Variants in KNCN observed in about 807,000 individuals in gnomAD.
KNCN encodes kinocilin.
KNCN carries 11 observed loss-of-function variants against 10.4 expected under a neutral mutation model. The ratio of observed to expected loss-of-function variants is 1.06; its 90% CI spans 0.67 to 1.75. The LOEUF (loss-of-function observed/expected upper bound fraction) is 1.75, where lower values mean the gene tolerates loss of function less well. KNCN is among the 40% of genes most tolerant of loss of function. KNCN has a pLI of 0.00. For synonymous variants in KNCN, 67 were observed against 71.6 expected, an observed-to-expected ratio of 0.94 and a Z score of 0.33; for missense variants, 172 against 167.1, an observed-to-expected ratio of 1.03 and a Z score of -0.16.
At chr1:46,548,197 G>A (rs955546519) in intron 3 of KNCN, among the ~76,000 whole-genome samples, 68 of 152,156 alleles carry the variant, frequency 4.5e-4, no homozygotes, top group Non-Finnish European at 7.1e-4. Flanking sequence ...GTTGTTGTGA[G>A]ACTTAAAAGA....
intron 2 of KNCN, among the ~76,000 whole-genome samples, chr1:46,549,526 G>A (rs1380068086): frequency 6.6e-6 from 1 of 152,166 alleles, no homozygotes; most frequent in African/African-American, 2.4e-5. Context: ...AGCCCCATAG[G>A]ATTGGTGGAG....
Position 46,547,500 on chromosome 1 carries a change from G to A in KNCN, c.*230C>T, listed in dbSNP as rs747678554. 62 of 695,954 alleles carry A rather than the reference G, an allele frequency of 8.9e-5. No individual in the cohort carries two copies. Among genetic ancestry groups the A allele is most frequent in the Non-Finnish European group, 1.1e-4 (40 of 379,864 alleles). The allele number at this position is 695,954 out of a possible 1,614,324, so 43.1% of individuals were successfully genotyped here. A position where few individuals can be genotyped will look rare whatever the true frequency, so the allele number is the denominator to read the frequency against. On this transcript the variant is annotated 3_prime_UTR_variant, in exon 4 of 4. Coordinates refer to ENST00000481882, the MANE Select transcript of KNCN (RefSeq NM_001322255.2). ...TGAAACATGGGAACCCTGTGGGGGC[G>A]TCCGGCGACACCTTGCTCCAGGTCC... is the stretch of plus-strand genomic sequence containing the variant.
intron 3 of KNCN, 53 bp downstream of exon 3, chr1:46,549,140 T>TC: frequency 1.1e-6 from 1 of 905,730 alleles, no homozygotes; most frequent in African/African-American, 3.6e-5. Flanking sequence ...AAACTCTGTC[T>TC]CAAAAAAAAA....
intron 3 of KNCN, 98 bp from the exon 4 acceptor site, chr1:46,547,907 C>A (rs946696304): frequency 1.2e-6 from 1 of 825,006 alleles, no homozygotes; most frequent in Non-Finnish European, 1.8e-6. Context: ...GCCGGGGTGC[C>A]TGGTTGACCC....
chr1:46,551,038 C>T lies in KNCN; in HGVS notation c.151+27G>A, dbSNP rs541652971. 2 of 1,557,866 alleles carry T rather than the reference C, an allele frequency of 1.3e-6. No homozygotes were observed. The highest frequency in any genetic ancestry group is 2.4e-5 in the East Asian group (1 of 42,320). ...TGCCCCCACCTCCAGAATCTCCCTT[C>T]CCTATCCCAGCCCAGCCCCTGCTCA... On this transcript the variant is annotated intron_variant, in intron 1 of 3. Coordinates refer to ENST00000481882, the MANE Select transcript of KNCN (RefSeq NM_001322255.2). The surrounding 1 kb of genome is among the most constrained non-coding windows in gnomAD (Gnocchi z 4.0).
rs1055039731 is a variant in KNCN at position 46,548,074 on chromosome 1, G to T, written c.296-265C>A. ...CCCCGGAGCCCACTGCCTGGTTTGA[G>T]CTTTGACTGCCGCACTTCCTGGCTG... On this transcript the variant is annotated intron_variant, in intron 3 of 3. Coordinates refer to ENST00000481882, the MANE Select transcript of KNCN (RefSeq NM_001322255.2). Among the ~76,000 whole-genome samples, 7 of 152,344 alleles carry T rather than the reference G, an allele frequency of 4.6e-5. No homozygotes were observed. The East Asian group carries it at 1.3e-3, about 29-fold the overall frequency.
At chr1:46,549,616 TTTCA>T in intron 2 of KNCN, 1 of 547,010 alleles carries the variant, frequency 1.8e-6, no homozygotes, top group Non-Finnish European at 3.3e-6. Context: ...ATAGAGGGTC[TTTCA>T]TGGGGGCTCA....
In KNCN at chr1:46,548,871, T is replaced by A. The variant is rs189323069; in HGVS notation, c.295+322A>T. 3.6e-3 allele frequency among the ~76,000 whole-genome samples: 547 copies of A among 152,296 alleles called. 7 individuals carry two copies. Among genetic ancestry groups the A allele is most frequent in the Admixed American group, 8.6e-3 (131 of 15,300 alleles). The stretch of plus-strand genomic sequence containing the variant: ...AAAGATGGATTCAGGCTGGGCACGG[T>A]GGCTCACGCCTATAATCCCAGCACT... On this transcript the variant is annotated intron_variant, in intron 3 of 3. Transcript: ENST00000481882.
chr1:46,546,264 T>G lies in KNCN; in HGVS notation c.*1466A>C, dbSNP rs893327476. ...CAGCTTTCCCATCTGAGATGGACTC[T>G]GTGCTTCAGAAAACTTTGGTTTTTC... On this transcript the variant is annotated 3_prime_UTR_variant, in exon 4 of 4. Transcript: ENST00000481882. The G allele has an allele frequency of 6.6e-6, 1 of 152,240 alleles. No individual in the cohort carries two copies. 9.4% of individuals were successfully genotyped at this position (152,240 alleles called of 1,614,324 possible).
chr1:46,547,265 G>C lies in KNCN; in HGVS notation c.*465C>G. The C allele has an allele frequency of 2.6e-6, 1 of 388,124 alleles. No homozygotes were observed. The highest frequency in any genetic ancestry group is 5.1e-6 in the Non-Finnish European group (1 of 197,170). 24.0% of individuals were successfully genotyped at this position (388,124 alleles called of 1,614,324 possible). On this transcript the variant is annotated 3_prime_UTR_variant, in exon 4 of 4. Coordinates refer to ENST00000481882, the MANE Select transcript of KNCN (RefSeq NM_001322255.2). Reference sequence around the variant, plus strand: ...CTCTATTGGGCTAGTGAGCTCTAGAGCCCCTGGGCTAGACCGTGGGGGTGG... The same window carrying C: ...CTCTATTGGGCTAGTGAGCTCTAGACCCCCTGGGCTAGACCGTGGGGGTGG...
chr1:46,548,482 C>T (rs1329808771), intron 3 of KNCN, among the ~76,000 whole-genome samples: 1 of 152,172 alleles, frequency 6.6e-6, no homozygotes. Flanking sequence ...CCCCCCTCCC[C>T]ATTCTATCCC....
chr1:46,550,038 G>A (rs1244110805), intron 1 of KNCN, 36 bp from the exon 2 acceptor site: 1 of 1,550,376 alleles, frequency 6.5e-7, no homozygotes, highest in South Asian at 1.2e-5. Context: ...TGATGGGGAG[G>A]AGCCTGGTGA....
rs563987298 is a variant in KNCN at position 46,546,411 on chromosome 1, A to C, written c.*1319T>G. ...GGGAAACCCTGGGGCTGGGAAGCAC[A>C]GTGAAGTCAGGGGAGGCTTCTAAGA... is the stretch of plus-strand genomic sequence containing the variant. On this transcript the variant is annotated 3_prime_UTR_variant, in exon 4 of 4. Coordinates refer to ENST00000481882, the MANE Select transcript of KNCN (RefSeq NM_001322255.2). The C allele has an allele frequency of 1.2e-4, 18 of 152,434 alleles. No homozygotes were observed. Among genetic ancestry groups the C allele is most frequent in the African/African-American group, 4.1e-4 (17 of 41,596 alleles). The allele number at this position is 152,434 out of a possible 1,614,324, so 9.4% of individuals were successfully genotyped here.
In KNCN at chr1:46,547,786, C is replaced by T. The variant is rs369636358; in HGVS notation, c.319G>A (p.Val107Met). Residue 107 changes from valine to methionine, a missense_variant, in exon 4 of 4, where the codon GTG becomes ATG. Transcript: ENST00000481882. ...TTCAGCTTCTCCAGGGTCCTGCTCACGGTGGACAGGCTGCTGCGGGCTCCT... is the reference window on the plus strand; with the variant it reads ...TTCAGCTTCTCCAGGGTCCTGCTCATGGTGGACAGGCTGCTGCGGGCTCCT... ...KEGARSSLST[V>M]SRTLEKLKPG... 103 of 1,464,382 alleles carry T rather than the reference C, an allele frequency of 7.0e-5. 2 individuals carry two copies. Among genetic ancestry groups the T allele is most frequent in the East Asian group, 1.5e-4 (6 of 40,686 alleles). The allele number at this position is 1,464,382 out of a possible 1,614,324, so 90.7% of individuals were successfully genotyped here. A position where few individuals can be genotyped will look rare whatever the true frequency, so the allele number is the denominator to read the frequency against.
Position 46,547,142 on chromosome 1 carries a change from G to GC in KNCN, c.*587dup. 1 of 342,126 alleles carries GC rather than the reference G, an allele frequency of 2.9e-6. No individual in the cohort carries two copies. Among genetic ancestry groups the GC allele is most frequent in the Non-Finnish European group, 5.7e-6 (1 of 174,100 alleles). The allele number at this position is 342,126 out of a possible 1,614,324, so 21.2% of individuals were successfully genotyped here. A position where few individuals can be genotyped will look rare whatever the true frequency, so the allele number is the denominator to read the frequency against. ...GTTGTTTGTACCTGTCCCTTTGTGA[G>GC]CCCCCCAAATTCCCCCATCTGATTC... On this transcript the variant is annotated 3_prime_UTR_variant, in exon 4 of 4. Coordinates refer to ENST00000481882, the MANE Select transcript of KNCN (RefSeq NM_001322255.2).
intron 3 of KNCN, among the ~76,000 whole-genome samples, chr1:46,548,787 C>T (rs1310528497): frequency 6.6e-6 from 1 of 152,202 alleles, no homozygotes; most frequent in East Asian, 1.9e-4. Flanking sequence ...GAGGCCCCTT[C>T]GGCATGCCGC....
chr1:46,547,407 C>G lies in KNCN; in HGVS notation c.*323G>C, dbSNP rs1344714157. The G allele has an allele frequency of 1.1e-5, 6 of 563,218 alleles. No individual in the cohort carries two copies. The highest frequency in any genetic ancestry group is 1.9e-5 in the African/African-American group (1 of 53,902). The allele number at this position is 563,218 out of a possible 1,614,324, so 34.9% of individuals were successfully genotyped here. The stretch of plus-strand genomic sequence containing the variant: ...CCTTGGACCCCAAATTCCAGAGAAA[C>G]AAATCAGTAGATTGAACAGGCAACA... On this transcript the variant is annotated 3_prime_UTR_variant, in exon 4 of 4. Coordinates refer to ENST00000481882, the MANE Select transcript of KNCN (RefSeq NM_001322255.2).
At chr1:46,549,792 A>T (rs1000088476) in intron 2 of KNCN, 142 bp downstream of exon 2, 56 of 1,452,530 alleles carry the variant, frequency 3.9e-5, no homozygotes, top group Non-Finnish European at 4.8e-5. Context: ...ACACACACAC[A>T]CACAGCAGCT....
In KNCN at chr1:46,547,743, G is replaced by GC. The variant is rs539443691; in HGVS notation, c.361dup (p.Ala121GlyfsTer2). On this transcript the variant is annotated frameshift_variant, in exon 4 of 4. Transcript: ENST00000481882. LOFTEE classifies it high-confidence loss of function. ...TCAGACTTTGCCTCAGCATTCCTCA[G>GC]CCCCCCGGGTCCCCGGCTTCAGCTT... 9 of 1,489,728 alleles carry GC rather than the reference G, an allele frequency of 6.0e-6. No individual in the cohort carries two copies. The highest frequency in any genetic ancestry group is 2.8e-5 in the African/African-American group (2 of 71,088). 92.3% of individuals were successfully genotyped at this position (1,489,728 alleles called of 1,614,324 possible).
Sources: gnomAD v4.1 joint callset for allele counts (sites outside exome capture counted in the v4.1 genomes callset) on GRCh38, gnomAD v4.1.1 for gene constraint, Gnocchi (gnomAD v3.1) non-coding constraint, MANE v1.5 for transcripts, NCBI Gene and HGNC (gene_info 2026-07-23, HGNC 2026-07-21) for gene names.